B3GALT5: variants seen among roughly 807,000 people sequenced by gnomAD.
B3GALT5 encodes the protein UDP-Gal:betaGlcNAc beta 1,3-galactosyltransferase, polypeptide 5.
For synonymous variants in B3GALT5, 156 were observed against 158.6 expected, an observed-to-expected ratio of 0.98 and a Z score of 0.12; for missense variants, 328 against 396.6, an observed-to-expected ratio of 0.83 and a Z score of 1.47.
intron 1 of B3GALT5, among the ~76,000 whole-genome samples, chr21:39,631,235 G>T (rs1166671603): frequency 6.6e-6 from 1 of 152,190 alleles, no homozygotes; most frequent in Non-Finnish European, 1.5e-5. Context: ...TGAAATGAAG[G>T]TCTCAGCAGG....
At chr21:39,623,005 G>C (rs968121996) in intron 1 of B3GALT5, among the ~76,000 whole-genome samples, 1 of 152,010 alleles carries the variant, frequency 6.6e-6, no homozygotes, top group Non-Finnish European at 1.5e-5. Flanking sequence ...TAACAACCTT[G>C]TTCCCTTATT....
At chr21:39,643,496 G>A (rs1396721180) in intron 1 of B3GALT5, among the ~76,000 whole-genome samples, 1 of 152,160 alleles carries the variant, frequency 6.6e-6, no homozygotes, top group African/African-American at 2.4e-5. Context: ...AGCAACAGCT[G>A]CCTTGCCTGC....
chr21:39,643,763 G>A lies in B3GALT5; in HGVS notation c.-391-2629G>A, dbSNP rs566326069. Among the ~76,000 whole-genome samples the A allele has an allele frequency of 1.5e-4, 23 of 152,266 alleles. No individual in the cohort carries two copies. The East Asian group carries it at 2.3e-3, about 15-fold the overall frequency. The stretch of plus-strand genomic sequence containing the variant: ...GGGGGGAGAGATGCTCCTTGATGAG[G>A]GAAAGGTGCTTAGCATTTGGCAAGA... On this transcript the variant is annotated intron_variant, in intron 1 of 3. Transcript: ENST00000684187.
chr21:39,657,947 G>A (rs2079465017), intron 2 of B3GALT5: 2 of 1,224,262 alleles, frequency 1.6e-6, no homozygotes, highest in Non-Finnish European at 1.0e-6. Context: ...CCCAGGTAAG[G>A]CAGAGCTAGC....
At chr21:39,615,960 C>T (rs512384) in intron 1 of B3GALT5, among the ~76,000 whole-genome samples, 71,546 of 152,016 alleles carry the variant, frequency 0.47, 17,659 homozygotes, top group African/African-American at 0.62. Context: ...TAAAAAATAA[C>T]ATGATTTGAA....
chr21:39,660,734 C>T lies in B3GALT5; in HGVS notation c.175C>T (p.Leu59Phe). The change falls in exon 4 of 4, where the codon CTC (leucine) becomes TTC (phenylalanine). Residue 59 changes from leucine to phenylalanine, a missense_variant. Leu to Phe is a conservative substitution (Grantham distance 22). Transcript: ENST00000684187. ...DTDCRQTPPF[L>F]VLLVTSSHKQ... The stretch of plus-strand genomic sequence containing the variant: ...AGACTGCAGGCAGACACCTCCCTTC[C>T]TCGTCCTGCTGGTGACCTCATCCCA... 6.5e-7 allele frequency: 1 copy of T among 1,546,532 alleles called. No individual in the cohort carries two copies. The highest frequency in any genetic ancestry group is 1.3e-5 in the South Asian group (1 of 78,948).
chr21:39,653,887 C>T (rs986839829), intron 2 of B3GALT5, among the ~76,000 whole-genome samples: 2 of 152,192 alleles, frequency 1.3e-5, no homozygotes, highest in African/African-American at 4.8e-5. Flanking sequence ...TACTGTTAGT[C>T]TCTCATTACT....
rs907296088 is a variant in B3GALT5 at position 39,669,741 on chromosome 21, G to A, written c.*8249G>A. 5 of 152,152 alleles carry A rather than the reference G, an allele frequency of 3.3e-5. No homozygotes were observed. The highest frequency in any genetic ancestry group is 7.3e-5 in the Non-Finnish European group (5 of 68,048). 9.4% of individuals were successfully genotyped at this position (152,152 alleles called of 1,614,324 possible). A position where few individuals can be genotyped will look rare whatever the true frequency, so the allele number is the denominator to read the frequency against. On this transcript the variant is annotated 3_prime_UTR_variant, in exon 4 of 4. Coordinates refer to ENST00000684187, the MANE Select transcript of B3GALT5 (RefSeq NM_001356336.2). The stretch of plus-strand genomic sequence containing the variant: ...GCAGGTGACTCAGTGACTTCCCCGG[G>A]GGCTCAGACGTGGTGGAGACACAGG...
intron 2 of B3GALT5, among the ~76,000 whole-genome samples, chr21:39,658,652 AAAAG>A (rs896972207): frequency 6.6e-6 from 1 of 152,230 alleles, no homozygotes; most frequent in African/African-American, 2.4e-5. Flanking sequence ...GGAAAGAAAG[AAAAG>A]AAAGAAAGAA....
intron 1 of B3GALT5, among the ~76,000 whole-genome samples, chr21:39,627,562 C>T (rs1458999889): frequency 1.3e-5 from 2 of 151,964 alleles, no homozygotes; most frequent in Non-Finnish European, 2.9e-5. Context: ...CCTCCATTTC[C>T]CCCCAACCTT....
chr21:39,660,396 C>T (rs1327473460), intron 3 of B3GALT5, among the ~76,000 whole-genome samples, 164 bp from the exon 4 acceptor site: 1 of 152,180 alleles, frequency 6.6e-6, no homozygotes, highest in Non-Finnish European at 1.5e-5. Context: ...AGATGTTAGA[C>T]CTTTGTGCTT....
intron 2 of B3GALT5, among the ~76,000 whole-genome samples, chr21:39,649,363 G>A (rs906244308): frequency 1.3e-5 from 2 of 152,122 alleles, no homozygotes; most frequent in Non-Finnish European, 2.9e-5. Context: ...TGCTGTTTCT[G>A]GAACCCACAG....
At chr21:39,636,736 C>T (rs923154582) in intron 1 of B3GALT5, among the ~76,000 whole-genome samples, 1 of 152,138 alleles carries the variant, frequency 6.6e-6, no homozygotes, top group African/African-American at 2.4e-5. Flanking sequence ...TGATCACTCT[C>T]CTCACCCAGT....
At chr21:39,627,737 G>A (rs928677310) in intron 1 of B3GALT5, among the ~76,000 whole-genome samples, 2 of 152,108 alleles carry the variant, frequency 1.3e-5, no homozygotes, top group South Asian at 2.1e-4. Flanking sequence ...TATTTAAGAT[G>A]TAAGAAAGCA....
rs534590769 is a variant in B3GALT5, at chr21:39,649,037, G to A, written c.-161+2415G>A. ...GTGTGGCATTTTGTCGTGGCTGCCC[G>A]AGGTGACTAAGACAATCCTTAAAAT... is the stretch of plus-strand genomic sequence containing the variant. On this transcript the variant is annotated intron_variant, in intron 2 of 3. Transcript: ENST00000684187. Among the ~76,000 whole-genome samples the A allele has an allele frequency of 2.6e-5, 4 of 152,302 alleles. No homozygotes were observed. In the South Asian group the frequency reaches 6.2e-4, roughly 24 times the overall value.
intron 1 of B3GALT5, among the ~76,000 whole-genome samples, chr21:39,615,951 A>T (rs1054118254): frequency 2.0e-5 from 3 of 152,236 alleles, no homozygotes; most frequent in Non-Finnish European, 4.4e-5. Flanking sequence ...ATTGAATTTT[A>T]AAAAATAACA....
At position 39,669,089 on chromosome 21, in the gene B3GALT5, A is replaced by T. The variant is rs2079604589; in HGVS notation, c.*7597A>T. 1 of 152,192 alleles carries T rather than the reference A, an allele frequency of 6.6e-6. No individual in the cohort carries two copies. Among genetic ancestry groups the T allele is most frequent in the Non-Finnish European group, 1.5e-5 (1 of 68,058 alleles). 9.4% of individuals were successfully genotyped at this position (152,192 alleles called of 1,614,324 possible). A position where few individuals can be genotyped will look rare whatever the true frequency, so the allele number is the denominator to read the frequency against. ...GATTGAGTCTGTAGGGCTTTGTTTC[A>T]GCTCTTGTTCTTTTTCTTCATTTGA... On this transcript the variant is annotated 3_prime_UTR_variant, in exon 4 of 4. Transcript: ENST00000684187.
rs1056807552 is a variant in B3GALT5, at chr21:39,657,811, G to A, written c.-160-1942G>A. On this transcript the variant is annotated intron_variant, in intron 2 of 3. Coordinates refer to ENST00000684187, the MANE Select transcript of B3GALT5 (RefSeq NM_001356336.2). ...GAACCCTGACTAATACACCTGGAGT[G>A]CAGAATCTGCTGGAGAAACTGCCAT... The A allele has an allele frequency of 9.9e-6, 12 of 1,209,424 alleles. No homozygotes were observed. The African/African-American group carries it at 1.6e-4, about 16-fold the overall frequency. 74.9% of individuals were successfully genotyped at this position (1,209,424 alleles called of 1,614,324 possible).
intron 2 of B3GALT5, among the ~76,000 whole-genome samples, chr21:39,653,233 C>T (rs2079412189): frequency 6.6e-6 from 1 of 152,232 alleles, no homozygotes; most frequent in South Asian, 2.1e-4. Flanking sequence ...AACATAACAT[C>T]TGTCAGATTA....
Sources: gnomAD v4.1 joint callset for allele counts (sites outside exome capture counted in the v4.1 genomes callset) on GRCh38, gnomAD v4.1.1 for gene constraint, MANE v1.5 for transcripts, NCBI Gene and HGNC (gene_info 2026-07-23, HGNC 2026-07-21) for gene names.